Variants in CYFIP2 observed in about 807,000 individuals in gnomAD.
The protein encoded by CYFIP2 is cytoplasmic FMR1 interacting protein 2.
Under a neutral mutation model 158.7 loss-of-function variants are expected in CYFIP2, and 29 were observed. The observed-to-expected ratio is 0.18, with a 90% CI of 0.14 to 0.25. The LOEUF (loss-of-function observed/expected upper bound fraction) is 0.25, where lower values mean the gene tolerates loss of function less well. Among genes scored for constraint, CYFIP2 ranks in the 10% least tolerant of loss-of-function variants. The probability of loss-of-function intolerance (pLI) is 1.00; values close to 1 mark genes in which losing one functional copy is unlikely to be tolerated. For synonymous variants in CYFIP2, 585 were observed against 617.6 expected, an observed-to-expected ratio of 0.95 and a Z score of 0.78; for missense variants, 852 against 1,639.5, an observed-to-expected ratio of 0.52 and a Z score of 8.29.
chr5:157,295,418 C>T (rs17054431), intron 4 of CYFIP2, among the ~76,000 whole-genome samples: 16,047 of 152,196 alleles, frequency 0.11, 1,215 homozygotes, highest in East Asian at 0.26. Flanking sequence ...ATGTAATTAA[C>T]GGGTCCCATG....
intron 30 of CYFIP2, among the ~76,000 whole-genome samples, chr5:157,391,911 A>G (rs1028966266): frequency 2.4e-4 from 36 of 152,176 alleles, no homozygotes; most frequent in East Asian, 5.8e-4. Flanking sequence ...AAGAGTTCCA[A>G]TTTCTCCACA....
chr5:157,366,961 C>T (rs572867553), intron 26 of CYFIP2, among the ~76,000 whole-genome samples: 2 of 152,250 alleles, frequency 1.3e-5, no homozygotes, highest in Admixed American at 6.5e-5. Flanking sequence ...CTGAGTCCCC[C>T]GGGAAGGACA....
At chr5:157,269,581 G>A (rs1274182430) in intron 1 of CYFIP2, 1 of 152,172 alleles carries the variant, frequency 6.6e-6, no homozygotes, top group Non-Finnish European at 1.5e-5. Flanking sequence ...GCCTGCGGAT[G>A]AGGTAATGTC....
chr5:157,287,382 CT>C (rs1221338989), intron 3 of CYFIP2, among the ~76,000 whole-genome samples: 2 of 152,206 alleles, frequency 1.3e-5, no homozygotes, highest in Non-Finnish European at 2.9e-5. Flanking sequence ...GCTCCTATAG[CT>C]TTTTGGGTTA....
intron 23 of CYFIP2, chr5:157,341,526 G>A (rs1451140575): frequency 5.2e-6 from 1 of 191,664 alleles, no homozygotes; most frequent in Non-Finnish European, 1.1e-5. Flanking sequence ...GCTCCAGCCT[G>A]GCTGACAGGG....
chr5:157,378,967 T>C (rs551526602), intron 26 of CYFIP2, among the ~76,000 whole-genome samples: 2 of 152,304 alleles, frequency 1.3e-5, no homozygotes, highest in East Asian at 1.9e-4. Context: ...AATCAAATAC[T>C]ACAGATGAGC....
At chr5:157,342,908 C>A (rs143433635) in intron 23 of CYFIP2, 1 of 1,614,130 alleles carries the variant, frequency 6.2e-7, no homozygotes, top group Non-Finnish European at 8.5e-7. Flanking sequence ...ACCACCCCCC[C>A]TCTGTAAGGC....
intron 27 of CYFIP2, 58 bp from the exon 28 acceptor site, chr5:157,383,207 T>TC: frequency 6.6e-7 from 1 of 1,509,976 alleles, no homozygotes; most frequent in Non-Finnish European, 9.1e-7. Context: ...AGTTTTTCCT[T>TC]CCCCAGTTGC....
chr5:157,307,172 C>T (rs1266164754), intron 8 of CYFIP2, among the ~76,000 whole-genome samples: 7 of 152,164 alleles, frequency 4.6e-5, no homozygotes, highest in Admixed American at 6.5e-5. Context: ...TCACCAGCGG[C>T]TCCTTGGAAA....
rs778597243 is a variant in CYFIP2, at chr5:157,343,249, A to T, written c.2673+2092A>T. On this transcript the variant is annotated intron_variant, in intron 23 of 30. Transcript: ENST00000620254. ...AGCTTCCAGGAGCCAGCGGACTCTT[A>T]TCCAGGGTGTGGAACATGGTGCAGT... The T allele has an allele frequency of 1.2e-6, 2 of 1,614,190 alleles. No homozygotes were observed. Among genetic ancestry groups the T allele is most frequent in the South Asian group, 2.2e-5 (2 of 91,084 alleles).
At chr5:157,337,881 G>A (rs1761973823) in intron 21 of CYFIP2, among the ~76,000 whole-genome samples, 1 of 152,208 alleles carries the variant, frequency 6.6e-6, no homozygotes. Context: ...CAGGGACCAA[G>A]AACACATGAT....
rs768520032 is a variant in CYFIP2, at chr5:157,389,364, G to A, written c.3383G>A (p.Arg1128Gln). Reference sequence around the variant, plus strand: ...GTCGATGAGTGTGTGGAGTTCCACCGGCTGTGGAGCGCCATGCAGTTCGTG... The same window carrying A: ...GTCGATGAGTGTGTGGAGTTCCACCAGCTGTGGAGCGCCATGCAGTTCGTG... ...MHVDECVEFH[R>Q]LWSAMQFVYC... The change falls in exon 29 of 31, where the codon CGG becomes CAG. Residue 1128 changes from arginine (R) to glutamine (Q), a missense_variant. Around this residue, in one of 8 missense-constraint regions of CYFIP2, gnomAD observed 223 missense variants for 381.6 expected, o/e 0.58. Coordinates refer to ENST00000620254, the MANE Select transcript of CYFIP2 (RefSeq NM_001037333.3). The A allele has an allele frequency of 1.9e-5, 31 of 1,613,626 alleles. No homozygotes were observed. The highest frequency in any genetic ancestry group is 8.9e-5 in the East Asian group (4 of 44,874).
chr5:157,354,935 G>A (rs1482479705), intron 23 of CYFIP2, among the ~76,000 whole-genome samples: 1 of 152,122 alleles, frequency 6.6e-6, no homozygotes, highest in African/African-American at 2.4e-5. Flanking sequence ...TTGGGTGGCG[G>A]TGAGGGTTTA....
At chr5:157,359,795 G>A (rs1486387897) in intron 24 of CYFIP2, among the ~76,000 whole-genome samples, 1 of 152,230 alleles carries the variant, frequency 6.6e-6, no homozygotes, top group Non-Finnish European at 1.5e-5. Context: ...TAGCAAATAG[G>A]ATTAATCTGC....
chr5:157,269,293 G>C (rs1561676137), intron 1 of CYFIP2: 1 of 152,202 alleles, frequency 6.6e-6, no homozygotes, highest in African/African-American at 2.4e-5. Context: ...GGAGAAGTGG[G>C]AGGGAACAAG....
intron 1 of CYFIP2, among the ~76,000 whole-genome samples, chr5:157,282,141 G>A (rs1757035515): frequency 6.6e-6 from 1 of 152,210 alleles, no homozygotes; most frequent in Admixed American, 6.5e-5. Context: ...ATAAAGAAAA[G>A]AGGTTTAATT....
chr5:157,369,672 G>A (rs1764779770), intron 26 of CYFIP2, among the ~76,000 whole-genome samples: 1 of 152,150 alleles, frequency 6.6e-6, no homozygotes, highest in Admixed American at 6.5e-5. Context: ...TTTTCTGTGA[G>A]GACACCCCCA....
intron 26 of CYFIP2, chr5:157,363,447 T>C (rs1764036838): frequency 6.6e-6 from 1 of 152,002 alleles, no homozygotes; most frequent in South Asian, 2.1e-4. Context: ...ACAATCAGAG[T>C]GTGGTTGCAG....
chr5:157,339,289 G>C (rs773759217), intron 22 of CYFIP2, 33 bp downstream of exon 22: 10 of 1,589,734 alleles, frequency 6.3e-6, no homozygotes, highest in Non-Finnish European at 8.6e-6. Context: ...GGGGCCGGGT[G>C]GGGGTTGGGG....
Sources: gnomAD v4.1 joint callset for allele counts (sites outside exome capture counted in the v4.1 genomes callset) on GRCh38, gnomAD v4.1.1 for gene constraint, gnomAD v4.1.1 regional missense constraint, MANE v1.5 for transcripts, NCBI Gene and HGNC (gene_info 2026-07-23, HGNC 2026-07-21) for gene names.